HOXA9: variants seen among roughly 807,000 people sequenced by gnomAD.
HOXA9 encodes the protein homeobox protein Hox-A9.
In HOXA9, 18 loss-of-function variants were observed where a neutral mutation model predicts 19.0. The ratio of observed to expected loss-of-function variants is 0.95; its 90% confidence interval spans 0.65 to 1.40. The LOEUF (loss-of-function observed/expected upper bound fraction) is 1.40, where lower values mean the gene tolerates loss of function less well. Among genes scored for constraint, HOXA9 ranks in the 40% most tolerant of loss-of-function variants. The pLI is 0.00. For synonymous variants in HOXA9, 198 were observed against 161.1 expected (o/e 1.23, Z -1.73); for missense variants, 443 against 372.2 (o/e 1.19, Z -1.57).
chr7:27,163,726 G>C lies in HOXA9; in HGVS notation c.696C>G (p.Thr232=), dbSNP rs1194425875. 3 of 1,613,956 alleles carry C rather than the reference G, an allele frequency of 1.9e-6. No homozygotes were observed. Among genetic ancestry groups the C allele is most frequent in the Non-Finnish European group, 2.5e-6 (3 of 1,179,940 alleles). ...EKEFLFNMYL[T]RDRRYEVARL... is the part of the protein sequence containing the mutation. ...GAGCCACCTCGTACCTGCGGTCCCT[G>C]GTGAGGTACATGTTGAACAGAAACT... Residue 232 remains threonine (T), a synonymous_variant, in exon 2 of 2, where the codon ACC becomes ACG. Transcript: ENST00000343483.
Position 27,165,430 on chromosome 7 carries a change from A to G in HOXA9, c.28T>C (p.Tyr10His). 1 of 1,609,132 alleles carries G rather than the reference A, an allele frequency of 6.2e-7. No homozygotes were observed. The highest frequency in any genetic ancestry group is 8.5e-7 in the Non-Finnish European group (1 of 1,178,792). Reference protein sequence around the residue: MATTGALGNYYVDSFLLGAD... With the variant: MATTGALGNHYVDSFLLGAD... The stretch of plus-strand genomic sequence containing the variant: ...CCCAGCAGGAACGAGTCCACGTAGT[A>G]GTTGCCCAGGGCCCCAGTGGTGGCC... The change falls in exon 1 of 2, where the codon TAC (tyrosine) becomes CAC (histidine). Residue 10 changes from tyrosine to histidine, a missense_variant. Physicochemically the swap from Tyr to His is moderately conservative, Grantham distance 83 (BLOSUM62 2). Coordinates refer to ENST00000343483, the MANE Select transcript of HOXA9 (RefSeq NM_152739.4).
Position 27,165,425 on chromosome 7 carries a change from G to C in HOXA9, c.33C>G (p.Tyr11Ter). 6.2e-7 allele frequency: 1 copy of C among 1,609,348 alleles called. No individual in the cohort carries two copies. The highest frequency in any genetic ancestry group is 2.2e-5 in the East Asian group (1 of 44,622). Residue 11 changes from tyrosine (Y) to a stop codon, truncating the protein, a stop_gained, in exon 1 of 2, where the codon TAC becomes TAG. Transcript: ENST00000343483. LOFTEE classifies it high-confidence loss of function. ...CGGCGCCCAGCAGGAACGAGTCCAC[G>C]TAGTAGTTGCCCAGGGCCCCAGTGG... MATTGALGNY[Y>*]VDSFLLGADA...
Position 27,165,176 on chromosome 7 carries a change from G to A in HOXA9, c.282C>T (p.Pro94=). 2 of 1,596,908 alleles carry A rather than the reference G, an allele frequency of 1.3e-6. No homozygotes were observed. The highest frequency in any genetic ancestry group is 2.2e-5 in the East Asian group (1 of 44,616). ...GCGCCGCCGCCGCCACGGGCGCCTG[G>A]GGGTGCACGTAGGGGTGGTGGTGAT... is the stretch of plus-strand genomic sequence containing the variant. The part of the protein sequence containing the change: ...HHHHHHPYVH[P]QAPVAAAAPD... Residue 94 remains proline (P), a synonymous_variant, in exon 1 of 2, where the codon CCC becomes CCT. Coordinates refer to ENST00000343483, the MANE Select transcript of HOXA9 (RefSeq NM_152739.4).
rs759116325 is a variant in HOXA9 at position 27,165,157 on chromosome 7, C to T, written c.301G>A (p.Ala101Thr). The change falls in exon 1 of 2, where the codon GCG becomes ACG. Residue 101 changes from alanine (A) to threonine (T), a missense_variant. Physicochemically the swap from Ala to Thr is moderately conservative, Grantham distance 58. Transcript: ENST00000343483. The part of the protein sequence containing the change: ...YVHPQAPVAA[A>T]APDGRYMRSW... Reference sequence around the variant, plus strand: ...CGCATGTACCTGCCGTCCGGCGCCGCCGCCGCCACGGGCGCCTGGGGGTGC... The same window carrying T: ...CGCATGTACCTGCCGTCCGGCGCCGTCGCCGCCACGGGCGCCTGGGGGTGC... The T allele has an allele frequency of 1.9e-6, 3 of 1,597,556 alleles. No homozygotes were observed. In the East Asian group the frequency reaches 6.7e-5, roughly 36 times the overall value.
In HOXA9 at chr7:27,165,448, T is replaced by A. The variant is rs1244696036; in HGVS notation, c.10A>T (p.Thr4Ser). 11 of 1,602,850 alleles carry A rather than the reference T, an allele frequency of 6.9e-6. 1 individual carries two copies. The South Asian group carries it at 1.2e-4, about 18-fold the overall frequency. Residue 4 changes from threonine to serine, a missense_variant, in exon 1 of 2, where the codon ACT (threonine) becomes TCT (serine). Coordinates refer to ENST00000343483, the MANE Select transcript of HOXA9 (RefSeq NM_152739.4). ...ACGTAGTAGTTGCCCAGGGCCCCAG[T>A]GGTGGCCATCACCGTGCCCAGCGCC... The part of the protein sequence containing the change: MAT[T>S]GALGNYYVDS...
Position 27,165,363 on chromosome 7 carries a change from G to A in HOXA9, c.95C>T (p.Pro32Leu), listed in dbSNP as rs759996173. ...CCGGGGAGGCTGGCCCAGGGTCCCC[G>A]GCGCATAGCGGCCAACGCTCAGCTC... ...ADELSVGRYA[P>L]GTLGQPPRQA... is the part of the protein sequence containing the mutation. Residue 32 changes from proline to leucine, a missense_variant, in exon 1 of 2, where the codon CCG becomes CTG. By Grantham distance (98) the Pro-to-Leu change is moderately conservative (BLOSUM62 -3). Coordinates refer to ENST00000343483, the MANE Select transcript of HOXA9 (RefSeq NM_152739.4). 1.2e-5 allele frequency: 19 copies of A among 1,599,374 alleles called. No homozygotes were observed. The highest frequency in any genetic ancestry group is 1.5e-5 in the Non-Finnish European group (18 of 1,174,666).
chr7:27,163,399 C>A lies in HOXA9; in HGVS notation c.*204G>T. On this transcript the variant is annotated 3_prime_UTR_variant, in exon 2 of 2. Coordinates refer to ENST00000343483, the MANE Select transcript of HOXA9 (RefSeq NM_152739.4). ...ATAGAAAATGGAAAGCTTACAATAC[C>A]TCCTCCATCAAAGCGGCAGGCCTAC... 1 of 592,198 alleles carries A rather than the reference C, an allele frequency of 1.7e-6. No individual in the cohort carries two copies. The highest frequency in any genetic ancestry group is 1.8e-5 in the African/African-American group (1 of 54,372). 36.7% of individuals were successfully genotyped at this position (592,198 alleles called of 1,614,324 possible). A position where few individuals can be genotyped will look rare whatever the true frequency, so the allele number is the denominator to read the frequency against.
rs1386752763 is a variant in HOXA9, at chr7:27,163,769, G to A, written c.653C>T (p.Thr218Ile). ...KKRCPYTKHQ[T>I]LELEKEFLFN... Reference sequence around the variant, plus strand: ...CAGAAACTCTTTCTCCAGTTCCAGGGTCTGGTGTTTTGTATAGGGGCACCG... The same window carrying A: ...CAGAAACTCTTTCTCCAGTTCCAGGATCTGGTGTTTTGTATAGGGGCACCG... Residue 218 changes from threonine to isoleucine, a missense_variant, in exon 2 of 2, where the codon ACC becomes ATC. Coordinates refer to ENST00000343483, the MANE Select transcript of HOXA9 (RefSeq NM_152739.4). 1 of 1,614,044 alleles carries A rather than the reference G, an allele frequency of 6.2e-7. No homozygotes were observed. The highest frequency in any genetic ancestry group is 8.5e-7 in the Non-Finnish European group (1 of 1,180,018).
intron 1 of HOXA9, among the ~76,000 whole-genome samples, chr7:27,164,194 A>G (rs1783264640): frequency 6.6e-6 from 1 of 152,206 alleles, no homozygotes; most frequent in East Asian, 1.9e-4. Context: ...TGTGTTCTGT[A>G]GCAAGATTAG....
intron 1 of HOXA9, among the ~76,000 whole-genome samples, chr7:27,164,448 G>A (rs974845894): frequency 2.0e-5 from 3 of 152,248 alleles, no homozygotes; most frequent in Admixed American, 6.5e-5. Context: ...GCAAGAAGTG[G>A]AAGGAATCGG....
Position 27,164,876 on chromosome 7 carries a change from A to G in HOXA9, c.580+2T>C, listed in dbSNP as rs550904347. ...GCGGATTTGAAGGGAGGAGACACTT[A>G]CTGGGATCGATGGGGGGCTTGTCTC... On this transcript the variant is annotated splice_donor_variant, in intron 1 of 1. Transcript: ENST00000343483. LOFTEE classifies it high-confidence loss of function. 6 of 1,613,112 alleles carry G rather than the reference A, an allele frequency of 3.7e-6. No individual in the cohort carries two copies. Among genetic ancestry groups the G allele is most frequent in the Admixed American group, 1.7e-5 (1 of 59,972 alleles).
chr7:27,165,052 G>T lies in HOXA9; in HGVS notation c.406C>A (p.Pro136Thr), dbSNP rs1445164037. 2 of 1,614,192 alleles carry T rather than the reference G, an allele frequency of 1.2e-6. No homozygotes were observed. Among genetic ancestry groups the T allele is most frequent in the African/African-American group, 1.3e-5 (1 of 75,074 alleles). Residue 136 changes from proline to threonine, a missense_variant, in exon 1 of 2, where the codon CCG becomes ACG. Physicochemically the swap from Pro to Thr is conservative, Grantham distance 38. Transcript: ENST00000343483. ...CAGTCACCCCTTCTGGCCGACAGCG[G>T]TTCAGGTTTAATGCCATAAGGCCGG... is the stretch of plus-strand genomic sequence containing the variant. ...SSRPYGIKPEPLSARRGDCPT... is the reference protein window; with the variant it reads ...SSRPYGIKPETLSARRGDCPT...
chr7:27,163,766 A>G lies in HOXA9; in HGVS notation c.656T>C (p.Leu219Pro), dbSNP rs141326540. Reference sequence around the variant, plus strand: ...GAACAGAAACTCTTTCTCCAGTTCCAGGGTCTGGTGTTTTGTATAGGGGCA... The same window carrying G: ...GAACAGAAACTCTTTCTCCAGTTCCGGGGTCTGGTGTTTTGTATAGGGGCA... ...KRCPYTKHQT[L>P]ELEKEFLFNM... Residue 219 changes from leucine to proline, a missense_variant, in exon 2 of 2, where the codon CTG becomes CCG. Transcript: ENST00000343483. 8 of 1,613,812 alleles carry G rather than the reference A, an allele frequency of 5.0e-6. No homozygotes were observed. In the African/African-American group the frequency reaches 1.1e-4, roughly 22 times the overall value.
Position 27,165,536 on chromosome 7 carries a change from G to C in HOXA9, c.-79C>G. 6.9e-7 allele frequency: 1 copy of C among 1,447,358 alleles called. No homozygotes were observed. Among genetic ancestry groups the C allele is most frequent in the Non-Finnish European group, 9.0e-7 (1 of 1,105,786 alleles). The allele number at this position is 1,447,358 out of a possible 1,614,324, so 89.7% of individuals were successfully genotyped here. On this transcript the variant is annotated 5_prime_UTR_variant, in exon 1 of 2. Transcript: ENST00000343483. ...GCAGATTTCATGTAACAACTTGGTGGCACCGGGGGGGAAGTACAGTCACCT... is the reference window on the plus strand; with the variant it reads ...GCAGATTTCATGTAACAACTTGGTGCCACCGGGGGGGAAGTACAGTCACCT...
chr7:27,165,363 G>T lies in HOXA9; in HGVS notation c.95C>A (p.Pro32Gln). ...ADELSVGRYAPGTLGQPPRQA... is the reference protein window; with the variant it reads ...ADELSVGRYAQGTLGQPPRQA... ...CCGGGGAGGCTGGCCCAGGGTCCCC[G>T]GCGCATAGCGGCCAACGCTCAGCTC... Residue 32 changes from proline (P) to glutamine (Q), a missense_variant, in exon 1 of 2, where the codon CCG becomes CAG. Coordinates refer to ENST00000343483, the MANE Select transcript of HOXA9 (RefSeq NM_152739.4). 6.3e-7 allele frequency: 1 copy of T among 1,599,490 alleles called. No homozygotes were observed. The highest frequency in any genetic ancestry group is 8.5e-7 in the Non-Finnish European group (1 of 1,174,658).
chr7:27,163,893 G>A, intron 1 of HOXA9, 52 bp from the exon 2 acceptor site: 3 of 1,474,362 alleles, frequency 2.0e-6, no homozygotes, highest in Non-Finnish European at 2.8e-6. Flanking sequence ...ACATCCCGCT[G>A]GGGCAAATGA....
chr7:27,163,169 G>A lies in HOXA9; in HGVS notation c.*434C>T, dbSNP rs1204293772. On this transcript the variant is annotated 3_prime_UTR_variant, in exon 2 of 2. Coordinates refer to ENST00000343483, the MANE Select transcript of HOXA9 (RefSeq NM_152739.4). ...CACAGTGTTCAAGTATCTTGGCAGAGCAATCTGCCGCACAAACTGCAAATT... is the reference window on the plus strand; with the variant it reads ...CACAGTGTTCAAGTATCTTGGCAGAACAATCTGCCGCACAAACTGCAAATT... The A allele has an allele frequency of 4.4e-6, 1 of 229,604 alleles. No homozygotes were observed. The highest frequency in any genetic ancestry group is 1.7e-4 in the South Asian group (1 of 5,820). 14.2% of individuals were successfully genotyped at this position (229,604 alleles called of 1,614,324 possible). A position where few individuals can be genotyped will look rare whatever the true frequency, so the allele number is the denominator to read the frequency against.
In HOXA9 at chr7:27,163,457, G is replaced by T. The variant is rs963892339; in HGVS notation, c.*146C>A. 41 of 703,034 alleles carry T rather than the reference G, an allele frequency of 5.8e-5. No individual in the cohort carries two copies. In the South Asian group the frequency reaches 6.7e-4, roughly 12 times the overall value. 43.5% of individuals were successfully genotyped at this position (703,034 alleles called of 1,614,324 possible). A position where few individuals can be genotyped will look rare whatever the true frequency, so the allele number is the denominator to read the frequency against. ...CCTGAACAGGGTTTGCCTTGGAAAA[G>T]ATGTGGCCTGAGGTTTAGAGCCGCT... is the stretch of plus-strand genomic sequence containing the variant. On this transcript the variant is annotated 3_prime_UTR_variant, in exon 2 of 2. Transcript: ENST00000343483.
chr7:27,163,620 G>A lies in HOXA9; in HGVS notation c.802C>T (p.Arg268Ter), dbSNP rs756418004. The change falls in exon 2 of 2, where the codon CGA becomes TGA. Residue 268 changes from arginine to a stop codon, truncating the protein, a stop_gained. Transcript: ENST00000343483. LOFTEE classifies it high-confidence loss of function. Reference protein sequence around the residue: ...RMKMKKINKDRAKDE With the variant: ...RMKMKKINKD Reference sequence around the variant, plus strand: ...AAATGGCATCACTCGTCTTTTGCTCGGTCTTTGTTGATTTTCTTCATTTTC... The same window carrying A: ...AAATGGCATCACTCGTCTTTTGCTCAGTCTTTGTTGATTTTCTTCATTTTC... 1.4e-4 allele frequency: 228 copies of A among 1,611,596 alleles called. No homozygotes were observed. The highest frequency in any genetic ancestry group is 2.3e-4 in the Admixed American group (14 of 59,756).
Sources: allele counts gnomAD v4.1 joint callset (sites outside exome capture counted in the v4.1 genomes callset), GRCh38; gene constraint gnomAD v4.1.1; transcripts MANE v1.5; gene names NCBI Gene and HGNC (gene_info 2026-07-23, HGNC 2026-07-21).